AATF: variants seen among roughly 807,000 people sequenced by gnomAD.
AATF encodes the protein protein AATF.
A neutral mutation model predicts 63.7 loss-of-function variants in AATF; 48 were observed. That is an observed-to-expected ratio of 0.75 (90% CI 0.60 to 0.96). The LOEUF is 0.96. Among genes scored for constraint, AATF ranks in the 40% least tolerant of loss-of-function variants. The probability of loss-of-function intolerance (pLI) is 0.00; values close to 1 mark genes in which losing one functional copy is unlikely to be tolerated. For synonymous variants in AATF, 258 were observed against 247.7 expected, an observed-to-expected ratio of 1.04 and a Z score of -0.39; for missense variants, 639 against 685.7, an observed-to-expected ratio of 0.93 and a Z score of 0.76.
rs1264052368 is a variant in AATF at position 37,003,622 on chromosome 17, A to G, written c.1398+12765A>G. On this transcript the variant is annotated intron_variant, in intron 8 of 11. Coordinates refer to ENST00000619387, the MANE Select transcript of AATF (RefSeq NM_012138.4). ...GCTGGAACTAAAGGCGTGCACCACC[A>G]CACCCGGCTGGTTTTTGTATTTTTA... Among the ~76,000 whole-genome samples, 8 of 151,596 alleles carry G rather than the reference A, an allele frequency of 5.3e-5. No individual in the cohort carries two copies. In the East Asian group the frequency reaches 1.6e-3, roughly 30 times the overall value.
At chr17:36,966,391 A>C (rs950637942) in intron 4 of AATF, among the ~76,000 whole-genome samples, 1 of 151,992 alleles carries the variant, frequency 6.6e-6, no homozygotes, top group African/African-American at 2.4e-5. Flanking sequence ...CAGCCTCCCA[A>C]GTAGCTGGGA....
chr17:36,999,090 A>T (rs540238397), intron 8 of AATF: 1 of 152,312 alleles, frequency 6.6e-6, no homozygotes, highest in African/African-American at 2.4e-5. Context: ...TACAAATTCC[A>T]TATTTTCCAA....
rs546625846 is a variant in AATF at position 37,049,331 on chromosome 17, G to A, written c.1620-7270G>A. Among the ~76,000 whole-genome samples the A allele has an allele frequency of 5.8e-4, 88 of 152,266 alleles. 1 individual carries two copies. In the South Asian group the frequency reaches 0.016, roughly 28 times the overall value. On this transcript the variant is annotated intron_variant, in intron 11 of 11. Transcript: ENST00000619387. Reference sequence around the variant, plus strand: ...GAAAGCTGCTGTCCAAGCCGGGCGCGGTGGCTCACGCCTGTAATCCCAGCA... The same window carrying A: ...GAAAGCTGCTGTCCAAGCCGGGCGCAGTGGCTCACGCCTGTAATCCCAGCA...
chr17:37,035,342 C>G (rs2071583371), intron 11 of AATF, among the ~76,000 whole-genome samples: 2 of 151,424 alleles, frequency 1.3e-5, no homozygotes, highest in Non-Finnish European at 1.5e-5. Flanking sequence ...CCTCAGCCTC[C>G]CGAGTAGCTG....
intron 8 of AATF, among the ~76,000 whole-genome samples, chr17:36,994,155 C>T (rs2071236849): frequency 6.6e-6 from 1 of 152,144 alleles, no homozygotes; most frequent in Non-Finnish European, 1.5e-5. Context: ...AACCGTCTGA[C>T]ATCATATAGT....
At chr17:37,022,130 GT>G (rs2071477170) in intron 10 of AATF, among the ~76,000 whole-genome samples, 1 of 148,398 alleles carries the variant, frequency 6.7e-6, no homozygotes, top group South Asian at 2.1e-4. Context: ...GTGTGTGTGT[GT>G]GTGTGTGTGT....
chr17:37,000,677 G>C (rs1372587602), intron 8 of AATF, among the ~76,000 whole-genome samples: 1 of 152,102 alleles, frequency 6.6e-6, no homozygotes, highest in Non-Finnish European at 1.5e-5. Context: ...AGATTACCTA[G>C]AAAATGAAGG....
intron 4 of AATF, among the ~76,000 whole-genome samples, chr17:36,961,438 T>C (rs1416129672): frequency 6.6e-6 from 1 of 152,220 alleles, no homozygotes; most frequent in Non-Finnish European, 1.5e-5. Flanking sequence ...ATATCAAAGA[T>C]ATTATAATTT....
At chr17:36,998,823 TG>T (rs2071273555) in intron 8 of AATF, 1 of 152,152 alleles carries the variant, frequency 6.6e-6, no homozygotes, top group South Asian at 2.1e-4. Flanking sequence ...CTAAGAAGAG[TG>T]AATATCTATG....
At chr17:37,023,978 C>A (rs1285306457) in intron 10 of AATF, among the ~76,000 whole-genome samples, 2 of 151,998 alleles carry the variant, frequency 1.3e-5, no homozygotes, top group South Asian at 4.1e-4. Flanking sequence ...ATACCTAGTT[C>A]AATATGAACG....
At chr17:36,998,117 G>A (rs1452429983) in intron 8 of AATF, among the ~76,000 whole-genome samples, 2 of 152,124 alleles carry the variant, frequency 1.3e-5, no homozygotes, top group Non-Finnish European at 2.9e-5. Context: ...TACAAATATG[G>A]TGCAGTATCT....
At position 36,953,897 on chromosome 17, in the gene AATF, C is replaced by T; in HGVS notation, c.822C>T (p.Ala274=). 1.2e-6 allele frequency: 2 copies of T among 1,613,166 alleles called. No homozygotes were observed. The highest frequency in any genetic ancestry group is 1.7e-6 in the Non-Finnish European group (2 of 1,179,756). The part of the protein sequence containing the change: ...KDKGGPEFSS[A]LKNSHKALKA... ...AAGGTGGCCCAGAATTTTCCAGTGC[C>T]CTGAAAAATAGTAAGAATACTTATG... Residue 274 remains alanine (A), a synonymous_variant, in exon 4 of 12, where the codon GCC becomes GCT. Transcript: ENST00000619387.
rs772797341 is a variant in AATF at position 36,953,772 on chromosome 17, C to T, written c.697C>T (p.Leu233=). The change falls in exon 4 of 12, where the codon CTG becomes TTG. Residue 233 remains leucine, a splice_region_variant and synonymous_variant. Coordinates refer to ENST00000619387, the MANE Select transcript of AATF (RefSeq NM_012138.4). The part of the protein sequence containing the change: ...KGRAVKNQIA[L]WDQLLEGRIK... ...GGATTCTCTTTTCTTCTTTTCAGCACTGTGGGACCAGCTCTTGGAAGGAAG... is the reference window on the plus strand; with the variant it reads ...GGATTCTCTTTTCTTCTTTTCAGCATTGTGGGACCAGCTCTTGGAAGGAAG... The T allele has an allele frequency of 2.2e-5, 36 of 1,613,394 alleles. No homozygotes were observed. The highest frequency in any genetic ancestry group is 2.7e-5 in the Non-Finnish European group (32 of 1,179,848).
chr17:37,036,198 G>A (rs530745831), intron 11 of AATF, among the ~76,000 whole-genome samples: 1 of 152,346 alleles, frequency 6.6e-6, no homozygotes, highest in Admixed American at 6.5e-5. Flanking sequence ...TCTGGAAGTA[G>A]AAACCCTCTT....
chr17:36,986,822 C>T (rs2071172549), intron 5 of AATF, 91 bp downstream of exon 5: 1 of 1,072,638 alleles, frequency 9.3e-7, no homozygotes, highest in East Asian at 2.4e-5. Flanking sequence ...TCTCTTCAGG[C>T]AGATATTAAT....
At chr17:36,979,479 T>C (rs1325966905) in intron 4 of AATF, among the ~76,000 whole-genome samples, 2 of 152,144 alleles carry the variant, frequency 1.3e-5, no homozygotes, top group African/African-American at 4.8e-5. Flanking sequence ...GGCCAATATA[T>C]CGTGTGTCAT....
intron 11 of AATF, among the ~76,000 whole-genome samples, chr17:37,040,711 T>G (rs2071630726): frequency 7.4e-6 from 1 of 134,892 alleles, no homozygotes. Flanking sequence ...TTCAAAAACT[T>G]ATTTGGGGGG....
At chr17:36,988,429 A>C (rs1260265597) in intron 5 of AATF, 90 bp from the exon 6 acceptor site, 2 of 1,282,058 alleles carry the variant, frequency 1.6e-6, no homozygotes, top group Non-Finnish European at 2.2e-6. Flanking sequence ...GGTAAGGCCT[A>C]AATATTCTCA....
At chr17:36,965,193 C>G (rs768676675) in intron 4 of AATF, among the ~76,000 whole-genome samples, 2 of 152,168 alleles carry the variant, frequency 1.3e-5, no homozygotes, top group Admixed American at 1.3e-4. Context: ...CATTGATTAT[C>G]GTATCGTTCT....
Sources: allele counts gnomAD v4.1 joint callset (sites outside exome capture counted in the v4.1 genomes callset), GRCh38; gene constraint gnomAD v4.1.1; transcripts MANE v1.5; gene names NCBI Gene and HGNC (gene_info 2026-07-23, HGNC 2026-07-21).